Variants in MACROH2A1 observed in about 807,000 individuals in gnomAD.
MACROH2A1 encodes macroH2A.1 histone.
In MACROH2A1, 2 loss-of-function variants were observed where a neutral mutation model predicts 31.6. That is an observed-to-expected ratio of 0.06 (90% CI 0.03 to 0.20). The LOEUF (loss-of-function observed/expected upper bound fraction) is 0.20, where lower values mean the gene tolerates loss of function less well. Ranked by LOEUF, MACROH2A1 falls within the 10% of genes least tolerant of loss-of-function variation. MACROH2A1 has a pLI of 1.00. For synonymous variants in MACROH2A1, 169 were observed against 189.6 expected (o/e 0.89, Z 0.89); for missense variants, 230 against 474.0 (o/e 0.49, Z 4.78).
At chr5:135,355,491 G>T (rs1762072251) in intron 5 of MACROH2A1, 2 of 288,474 alleles carry the variant, frequency 6.9e-6, no homozygotes, top group Non-Finnish European at 1.4e-5. Flanking sequence ...CTCAGGGTAT[G>T]CAGCTGAGCC....
intron 2 of MACROH2A1, among the ~76,000 whole-genome samples, chr5:135,388,268 G>A (rs188059400): frequency 9.9e-5 from 15 of 152,204 alleles, no homozygotes; most frequent in Non-Finnish European, 1.6e-4. Context: ...TACAGGATGT[G>A]CAAAAATCCA....
intron 8 of MACROH2A1, among the ~76,000 whole-genome samples, chr5:135,340,212 G>A (rs962043720): frequency 6.6e-6 from 1 of 152,164 alleles, no homozygotes; most frequent in African/African-American, 2.4e-5. Flanking sequence ...AGTACAAGTT[G>A]AGTGACCTCA....
chr5:135,342,649 TG>T (rs1016323004), intron 8 of MACROH2A1, among the ~76,000 whole-genome samples: 7 of 152,166 alleles, frequency 4.6e-5, no homozygotes, highest in Admixed American at 4.6e-4. Context: ...GGACAGGAAG[TG>T]GAGTAGGGCC....
chr5:135,338,039 G>A, intron 8 of MACROH2A1: 1 of 1,139,172 alleles, frequency 8.8e-7, no homozygotes, highest in Non-Finnish European at 1.1e-6. Context: ...ACGTTTTCTG[G>A]TGGGCCTCAA....
At chr5:135,352,147 G>A (rs566741627) in intron 6 of MACROH2A1, among the ~76,000 whole-genome samples, 3 of 152,256 alleles carry the variant, frequency 2.0e-5, no homozygotes, top group Non-Finnish European at 4.4e-5. Context: ...TTGAGGGTTA[G>A]GAAGGAGGCT....
chr5:135,350,689 G>A (rs957933543), intron 6 of MACROH2A1: 5 of 589,674 alleles, frequency 8.5e-6, no homozygotes, highest in Non-Finnish European at 1.2e-5. Context: ...ACAACCCAGG[G>A]ACAGGAGACA....
rs1013912852 is a variant in MACROH2A1, at chr5:135,369,055, G to C, written c.477+351C>G. 6.6e-6 allele frequency among the ~76,000 whole-genome samples: 1 copy of C among 152,230 alleles called. No individual in the cohort carries two copies. The highest frequency in any genetic ancestry group is 2.4e-5 in the African/African-American group (1 of 41,452). On this transcript the variant is annotated intron_variant, in intron 4 of 8. Coordinates refer to ENST00000511689, the MANE Select transcript of MACROH2A1 (RefSeq NM_138610.3). The surrounding 1 kb of genome is among the most constrained non-coding windows in gnomAD (Gnocchi z 4.3). ...GTAGCTGGCCACAGGACTAGACAGT[G>C]GCTGTCCCCTAACACAGGGAAGCCC...
chr5:135,387,436 G>A (rs1766570020), intron 2 of MACROH2A1, among the ~76,000 whole-genome samples: 1 of 152,218 alleles, frequency 6.6e-6, no homozygotes, highest in South Asian at 2.1e-4. Context: ...GCCTTACTGA[G>A]AGAGCAGGGA....
intron 4 of MACROH2A1, among the ~76,000 whole-genome samples, chr5:135,365,966 G>A (rs1043359943): frequency 6.6e-6 from 1 of 152,240 alleles, no homozygotes; most frequent in East Asian, 1.9e-4. Context: ...TGTCAAGGGT[G>A]AGACCAGGTG....
chr5:135,355,037 C>T (rs1222270008), intron 5 of MACROH2A1: 1 of 450,688 alleles, frequency 2.2e-6, no homozygotes. Context: ...GCAATTTTTT[C>T]CAATTGTATA....
At chr5:135,349,708 T>A (rs1292674444) in intron 6 of MACROH2A1, among the ~76,000 whole-genome samples, 7 of 152,192 alleles carry the variant, frequency 4.6e-5, no homozygotes, top group Non-Finnish European at 1.5e-5. Context: ...AACCATTCTC[T>A]TTGGAAGCTG....
chr5:135,371,752 T>G (rs1160414024), intron 2 of MACROH2A1, among the ~76,000 whole-genome samples: 1 of 152,224 alleles, frequency 6.6e-6, no homozygotes, highest in Non-Finnish European at 1.5e-5. Context: ...AGGCTACCCT[T>G]CTGGGCCCAA....
rs377375642 is a variant in MACROH2A1 at position 135,343,448 on chromosome 5, G to A, written c.779-14C>T. ...CGCTGACAGCAGCTAGTGGTGCGGG[G>A]ATGAAACAGAAACAGTGAGCTCTGG... On this transcript the variant is annotated splice_polypyrimidine_tract_variant and intron_variant, in intron 7 of 8. Transcript: ENST00000511689. 3.5e-5 allele frequency: 57 copies of A among 1,612,466 alleles called. No homozygotes were observed. The highest frequency in any genetic ancestry group is 1.3e-5 in the Non-Finnish European group (15 of 1,178,990).
At position 135,389,210 on chromosome 5, in the gene MACROH2A1, G is replaced by T. The variant is rs1766855244; in HGVS notation, c.-33-84C>A. On this transcript the variant is annotated intron_variant, in intron 1 of 8. Transcript: ENST00000511689. ...CAGGTACACTCTAGTCCCCTGGAAG[G>T]CCCCAGGCCTGCCTGCAGATGCCAC... 3 of 1,030,636 alleles carry T rather than the reference G, an allele frequency of 2.9e-6. No individual in the cohort carries two copies. In the African/African-American group the frequency reaches 4.8e-5, roughly 16 times the overall value. 63.8% of individuals were successfully genotyped at this position (1,030,636 alleles called of 1,614,324 possible). A position where few individuals can be genotyped will look rare whatever the true frequency, so the allele number is the denominator to read the frequency against.
intron 8 of MACROH2A1, among the ~76,000 whole-genome samples, chr5:135,336,639 A>G (rs369976138): frequency 5.0e-4 from 56 of 112,192 alleles, no homozygotes; most frequent in African/African-American, 4.7e-3. Context: ...TGGTGATTCT[A>G]GACTAGACTA....
intron 5 of MACROH2A1, chr5:135,355,353 G>A (rs1242593714): frequency 2.3e-6 from 1 of 428,966 alleles, no homozygotes; most frequent in East Asian, 7.1e-5. Context: ...ACCTCAGGGA[G>A]CCACTACTAC....
intron 8 of MACROH2A1, among the ~76,000 whole-genome samples, chr5:135,335,966 A>ATCCCTTACTG (rs1162747698): frequency 6.6e-6 from 1 of 152,190 alleles, no homozygotes; most frequent in African/African-American, 2.4e-5. Flanking sequence ...CTGGATTCAC[A>ATCCCTTACTG]TCCCTTACTG....
chr5:135,381,538 C>T (rs557017382), intron 2 of MACROH2A1, among the ~76,000 whole-genome samples: 1 of 152,086 alleles, frequency 6.6e-6, no homozygotes, highest in African/African-American at 2.4e-5. Flanking sequence ...TCACTTGAGC[C>T]CAGAAGACAG....
intron 7 of MACROH2A1, chr5:135,343,672 G>A (rs950171415): frequency 1.4e-5 from 8 of 565,310 alleles, no homozygotes; most frequent in South Asian, 8.3e-5. Context: ...GACCAAGTTC[G>A]TAGTAAGCCT....
Sources: allele counts gnomAD v4.1 joint callset (sites outside exome capture counted in the v4.1 genomes callset), GRCh38; gene constraint gnomAD v4.1.1; non-coding constraint Gnocchi (gnomAD v3.1); transcripts MANE v1.5; gene names NCBI Gene and HGNC (gene_info 2026-07-23, HGNC 2026-07-21).